The following PCDHGB2 variants were observed in gnomAD, a reference collection of about 807,000 sequenced individuals.
The protein encoded by PCDHGB2 is protocadherin gamma subfamily B, 2.
In PCDHGB2, 55 loss-of-function variants were observed where a neutral mutation model predicts 59.3. That is an observed-to-expected ratio of 0.93 (90% CI 0.75 to 1.16). The LOEUF (loss-of-function observed/expected upper bound fraction) is 1.16, where lower values mean the gene tolerates loss of function less well. PCDHGB2 is among the 50% of genes most tolerant of loss of function. The probability of loss-of-function intolerance (pLI) is 0.00; values close to 1 mark genes in which losing one functional copy is unlikely to be tolerated. For synonymous variants in PCDHGB2, 516 were observed against 512.0 expected (o/e 1.01, Z -0.11); for missense variants, 1,228 against 1,198.5 (o/e 1.02, Z -0.36).
chr5:141,393,938 C>T lies in PCDHGB2; in HGVS notation c.2421+31382C>T, dbSNP rs537803893. The T allele has an allele frequency of 1.5e-5, 25 of 1,613,934 alleles. No homozygotes were observed. In the African/African-American group the frequency reaches 2.4e-4, roughly 15 times the overall value. ...CCTTCTTGAGTGTGCATGACCAAGA[C>T]TCTGGAAAGAATGGTCAAGTTGTCT... On this transcript the variant is annotated intron_variant, in intron 1 of 3. Transcript: ENST00000522605.
chr5:141,493,935 C>T lies in PCDHGB2; in HGVS notation c.2422-872C>T, dbSNP rs1317863228. Among the ~76,000 whole-genome samples the T allele has an allele frequency of 6.6e-6, 1 of 152,158 alleles. No homozygotes were observed. Among genetic ancestry groups the T allele is most frequent in the Non-Finnish European group, 1.5e-5 (1 of 68,020 alleles). On this transcript the variant is annotated intron_variant, in intron 1 of 3. Coordinates refer to ENST00000522605, the MANE Select transcript of PCDHGB2 (RefSeq NM_018923.3). This position sits in a 1 kb window ranked among gnomAD's most constrained non-coding sequence, Gnocchi z 4.3. Reference sequence around the variant, plus strand: ...TGGGATAACACACCCCCTGGAAAGACCAGAAGGGACTCAGGAATGAAGTGG... The same window carrying T: ...TGGGATAACACACCCCCTGGAAAGATCAGAAGGGACTCAGGAATGAAGTGG...
At chr5:141,428,024 A>G (rs2097101613) in intron 1 of PCDHGB2, 1 of 1,606,106 alleles carries the variant, frequency 6.2e-7, no homozygotes, top group African/African-American at 1.3e-5. Context: ...CACGCGCCGC[A>G]GAGTCCGGCT....
At chr5:141,394,744 T>C (rs755757019) in intron 1 of PCDHGB2, 1 of 1,613,408 alleles carries the variant, frequency 6.2e-7, no homozygotes, top group Non-Finnish European at 8.5e-7. Flanking sequence ...AGCCTCGTGG[T>C]GGCCGTCCAG....
At chr5:141,408,856 G>T in intron 1 of PCDHGB2, 1 of 1,613,518 alleles carries the variant, frequency 6.2e-7, no homozygotes, top group Non-Finnish European at 8.5e-7. Flanking sequence ...TGGACGGAGG[G>T]GACCCACCAA....
chr5:141,427,146 A>G (rs901147622), intron 1 of PCDHGB2: 10 of 456,872 alleles, frequency 2.2e-5, no homozygotes, highest in Admixed American at 7.0e-5. Context: ...TGATATTGGA[A>G]ATATGTTTGT....
At chr5:141,387,448 G>T (rs913381872) in intron 1 of PCDHGB2, among the ~76,000 whole-genome samples, 1 of 152,228 alleles carries the variant, frequency 6.6e-6, no homozygotes, top group African/African-American at 2.4e-5. Context: ...TAATCTACAT[G>T]ATTTGCCTAA....
At chr5:141,406,021 G>A (rs530576205) in intron 1 of PCDHGB2, among the ~76,000 whole-genome samples, 1 of 151,382 alleles carries the variant, frequency 6.6e-6, no homozygotes, top group East Asian at 1.9e-4. Context: ...GGCTTTTTGG[G>A]TAGGGTTGCT....
Position 141,491,722 on chromosome 5 carries a change from CG to C in PCDHGB2, c.2422-3082del. Reference sequence around the variant, plus strand: ...CCAGGTGAGGGGCTCGGCGCCGCCCCGGGCGACCCCTGGGGGCGGCACTGGA... The same window carrying C: ...CCAGGTGAGGGGCTCGGCGCCGCCCCGGCGACCCCTGGGGGCGGCACTGGA... On this transcript the variant is annotated intron_variant, in intron 1 of 3. Transcript: ENST00000522605. The surrounding 1 kb of genome is among the most constrained non-coding windows in gnomAD (Gnocchi z 6.9). The C allele has an allele frequency of 1.2e-6, 2 of 1,607,004 alleles. No homozygotes were observed. Among genetic ancestry groups the C allele is most frequent in the Non-Finnish European group, 1.7e-6 (2 of 1,177,148 alleles).
rs771858105 is a variant in PCDHGB2 at position 141,428,074 on chromosome 5, G to A, written c.2421+65518G>A. 4.4e-6 allele frequency: 7 copies of A among 1,609,112 alleles called. No homozygotes were observed. The African/African-American group carries it at 5.3e-5, about 12-fold the overall frequency. On this transcript the variant is annotated intron_variant, in intron 1 of 3. Transcript: ENST00000522605. The stretch of plus-strand genomic sequence containing the variant: ...GTGGTGGCGGTGGACGCAGATTCGG[G>A]ACACAACGCTTGGCTGTCCTACCAC...
At chr5:141,418,746 A>G in intron 1 of PCDHGB2, 1 of 1,613,974 alleles carries the variant, frequency 6.2e-7, no homozygotes, top group Non-Finnish European at 8.5e-7. Context: ...TCTCTGGATT[A>G]CACTACAGGA....
intron 1 of PCDHGB2, chr5:141,426,449 G>A (rs1449929836): frequency 1.6e-5 from 5 of 307,646 alleles, no homozygotes; most frequent in East Asian, 8.0e-5. Flanking sequence ...GAGGACATGC[G>A]GCTGCATGTT....
At chr5:141,505,341 A>G in intron 2 of PCDHGB2, 52 bp from the exon 3 acceptor site, 3 of 1,612,728 alleles carry the variant, frequency 1.9e-6, no homozygotes, top group Non-Finnish European at 2.5e-6. Context: ...CAGGAGGGGC[A>G]TGAGCTGTGC....
At chr5:141,375,761 C>A in intron 1 of PCDHGB2, 1 of 1,614,236 alleles carries the variant, frequency 6.2e-7, no homozygotes, top group Non-Finnish European at 8.5e-7. Flanking sequence ...TGACAATGCG[C>A]CCGAGATCCT....
chr5:141,499,493 A>G (rs1322531312), intron 2 of PCDHGB2, among the ~76,000 whole-genome samples: 1 of 152,222 alleles, frequency 6.6e-6, no homozygotes, highest in African/African-American at 2.4e-5. Context: ...CTACAGTTTA[A>G]TATGAAACAT....
intron 1 of PCDHGB2, chr5:141,384,203 A>T (rs568171038): frequency 6.2e-7 from 1 of 1,613,900 alleles, no homozygotes; most frequent in African/African-American, 1.3e-5. Context: ...TTGTCCAGGG[A>T]AACTCACATA....
intron 1 of PCDHGB2, chr5:141,407,909 G>T: frequency 4.7e-6 from 2 of 425,700 alleles, no homozygotes; most frequent in Non-Finnish European, 8.3e-6. Context: ...TGAAAAACCG[G>T]GCTGCTGTCC....
At chr5:141,372,512 G>A (rs1343689121) in intron 1 of PCDHGB2, 1 of 1,614,024 alleles carries the variant, frequency 6.2e-7, no homozygotes, top group East Asian at 2.2e-5. Flanking sequence ...TCCTCCTCGC[G>A]GTGATTCTGG....
intron 1 of PCDHGB2, among the ~76,000 whole-genome samples, chr5:141,459,109 C>A (rs1213203625): frequency 6.6e-6 from 1 of 152,174 alleles, no homozygotes; most frequent in Non-Finnish European, 1.5e-5. Context: ...TGCATTTTGA[C>A]AATTGTTTAC....
intron 1 of PCDHGB2, chr5:141,394,374 G>A: frequency 1.2e-6 from 2 of 1,614,172 alleles, no homozygotes; most frequent in South Asian, 1.1e-5. Flanking sequence ...GCAATCTTTC[G>A]ACTATGAGCA....
Sources: gnomAD v4.1 joint callset for allele counts (sites outside exome capture counted in the v4.1 genomes callset) on GRCh38, gnomAD v4.1.1 for gene constraint, Gnocchi (gnomAD v3.1) non-coding constraint, MANE v1.5 for transcripts, NCBI Gene and HGNC (gene_info 2026-07-23, HGNC 2026-07-21) for gene names.